IMPDH1: variants seen among roughly 807,000 people sequenced by gnomAD.
The protein encoded by IMPDH1 is inosine-5'-monophosphate dehydrogenase 1.
In IMPDH1, 41 loss-of-function variants were observed where a neutral mutation model predicts 73.5. The ratio of observed to expected loss-of-function variants is 0.56; its 90% CI spans 0.43 to 0.72. The LOEUF (loss-of-function observed/expected upper bound fraction) is 0.72. Ranked by LOEUF, IMPDH1 falls within the 30% of genes least tolerant of loss-of-function variation. IMPDH1 has a pLI of 0.00. For synonymous variants in IMPDH1, 318 were observed against 334.3 expected (o/e 0.95, Z 0.53); for missense variants, 645 against 824.8 (o/e 0.78, Z 2.67).
In IMPDH1 at chr7:128,400,431, T is replaced by C; in HGVS notation, c.688A>G (p.Thr230Ala). Residue 230 changes from threonine (T) to alanine (A), a missense_variant, in exon 8 of 17, where the codon ACT (threonine) becomes GCT (alanine). This residue lies in a region of IMPDH1 where 459 missense variants were observed against 638.2 expected (regional missense o/e 0.72). Coordinates refer to ENST00000338791, the MANE Select transcript of IMPDH1 (RefSeq NM_000883.4). ...TTGCTGCCCATGGTGCCCGTCTCAG[T>C]GATGGGGATGCCAGAGAAGCCATGC... ...MRHGFSGIPI[T>A]ETGTMGSKLV... is the part of the protein sequence containing the mutation. 1.9e-6 allele frequency: 3 copies of C among 1,612,266 alleles called. No homozygotes were observed. The highest frequency in any genetic ancestry group is 2.0e-4 in the Middle Eastern group (1 of 5,078).
chr7:128,395,245 C>T lies in IMPDH1; in HGVS notation c.1291G>A (p.Ala431Thr). The stretch of plus-strand genomic sequence containing the variant: ...GCATACTCAGCCACCTTGTACACAG[C>T]AGTGCCCTGGGGCCGACCACAGGCC... ...VMACGRPQGT[A>T]VYKVAEYARR... Residue 431 changes from alanine (A) to threonine (T), a missense_variant, in exon 13 of 17, where the codon GCT (alanine) becomes ACT (threonine). Ala to Thr is a moderately conservative substitution (Grantham distance 58). Around this residue, in one of 2 missense-constraint regions of IMPDH1, gnomAD observed 459 missense variants for 638.2 expected, o/e 0.72. Coordinates refer to ENST00000338791, the MANE Select transcript of IMPDH1 (RefSeq NM_000883.4). 4.3e-6 allele frequency: 7 copies of T among 1,613,714 alleles called. No homozygotes were observed. The highest frequency in any genetic ancestry group is 5.9e-6 in the Non-Finnish European group (7 of 1,180,048).
At chr7:128,397,326 C>G (rs1394047173) in intron 10 of IMPDH1, among the ~76,000 whole-genome samples, 1 of 152,148 alleles carries the variant, frequency 6.6e-6, no homozygotes, top group Non-Finnish European at 1.5e-5. Context: ...GAGCCATATC[C>G]TGTTCCCACC....
intron 4 of IMPDH1, among the ~76,000 whole-genome samples, chr7:128,404,482 G>C (rs1798567106): frequency 6.6e-6 from 1 of 152,170 alleles, no homozygotes; most frequent in Non-Finnish European, 1.5e-5. Context: ...CAGGGTCACA[G>C]CTCAGGGGCC....
At chr7:128,409,566 G>A in intron 1 of IMPDH1, 82 bp from the exon 2 acceptor site, 2 of 1,553,248 alleles carry the variant, frequency 1.3e-6, no homozygotes, top group Non-Finnish European at 8.9e-7. Context: ...CCTTCGCACA[G>A]TGCCCGTCTG....
At chr7:128,408,530 G>C (rs1798923381) in intron 3 of IMPDH1, among the ~76,000 whole-genome samples, 1 of 148,528 alleles carries the variant, frequency 6.7e-6, no homozygotes, top group Non-Finnish European at 1.5e-5. Context: ...CCTGGCTGGG[G>C]CTCAGGTTTA....
rs1221993509 is a variant in IMPDH1 at position 128,409,601 on chromosome 7, G to T, written c.147-117C>A. 2.0e-6 allele frequency: 3 copies of T among 1,521,226 alleles called. No individual in the cohort carries two copies. The African/African-American group carries it at 4.1e-5, about 21-fold the overall frequency. 94.2% of individuals were successfully genotyped at this position (1,521,226 alleles called of 1,614,324 possible). A position where few individuals can be genotyped will look rare whatever the true frequency, so the allele number is the denominator to read the frequency against. On this transcript the variant is annotated intron_variant, in intron 1 of 16. Transcript: ENST00000338791. ...GCATCCCCCAACCAAAGCCGGGAGC[G>T]TGGCGTTTCGGGAAGTTAGAGGCTG... is the stretch of plus-strand genomic sequence containing the variant.
rs1050197402 is a variant in IMPDH1, at chr7:128,394,717, G to A, written c.1551-118C>T. ...AGGTCCCCCAGGCCACCCCTCACTG[G>A]GCTGAGTCAGATGGCCCAGGGACAG... is the stretch of plus-strand genomic sequence containing the variant. On this transcript the variant is annotated intron_variant, in intron 14 of 16. Transcript: ENST00000338791. This position sits in a 1 kb window ranked among gnomAD's most constrained non-coding sequence, Gnocchi z 5.5. 3.5e-6 allele frequency: 5 copies of A among 1,433,466 alleles called. No individual in the cohort carries two copies. In the Admixed American group the frequency reaches 7.1e-5, roughly 20 times the overall value. 88.8% of individuals were successfully genotyped at this position (1,433,466 alleles called of 1,614,324 possible). A position where few individuals can be genotyped will look rare whatever the true frequency, so the allele number is the denominator to read the frequency against.
rs1798504389 is a variant in IMPDH1, at chr7:128,403,750, A to G, written c.358T>C (p.Phe120Leu). 1 of 1,613,842 alleles carries G rather than the reference A, an allele frequency of 6.2e-7. No homozygotes were observed. The highest frequency in any genetic ancestry group is 1.3e-5 in the African/African-American group (1 of 74,920). The change falls in exon 5 of 17, where the codon TTC becomes CTC. Residue 120 changes from phenylalanine (F) to leucine (L), a missense_variant. Phe to Leu is a conservative substitution (Grantham distance 22). This residue lies in a region of IMPDH1 where 186 missense variants were observed against 186.6 expected (regional missense o/e 1.00). Transcript: ENST00000338791. Reference sequence around the variant, plus strand: ...TCTATGAATCCTGGGAGAATCAGGAAGTCGCTGTGAAGACAGAGAAGTGAG... The same window carrying G: ...TCTATGAATCCTGGGAGAATCAGGAGGTCGCTGTGAAGACAGAGAAGTGAG... Reference protein sequence around the residue: ...ASADGLTYNDFLILPGFIDFI... With the variant: ...ASADGLTYNDLLILPGFIDFI...
In IMPDH1 at chr7:128,398,682, G is replaced by A; in HGVS notation, c.875-69C>T. 7.5e-7 allele frequency: 1 copy of A among 1,340,280 alleles called. No homozygotes were observed. Among genetic ancestry groups the A allele is most frequent in the Non-Finnish European group, 1.1e-6 (1 of 938,572 alleles). 83.0% of individuals were successfully genotyped at this position (1,340,280 alleles called of 1,614,324 possible). A position where few individuals can be genotyped will look rare whatever the true frequency, so the allele number is the denominator to read the frequency against. On this transcript the variant is annotated intron_variant, in intron 9 of 16. Coordinates refer to ENST00000338791, the MANE Select transcript of IMPDH1 (RefSeq NM_000883.4). The surrounding 1 kb of genome is among the most constrained non-coding windows in gnomAD (Gnocchi z 4.3). Reference sequence around the variant, plus strand: ...AGAAGTTTGGGAGATGTTTAGGAGGGTGAAGATGAAAGTGGACCACTCCAG... The same window carrying A: ...AGAAGTTTGGGAGATGTTTAGGAGGATGAAGATGAAAGTGGACCACTCCAG...
chr7:128,403,675 C>T, intron 5 of IMPDH1, 31 bp downstream of exon 5: 2 of 1,600,638 alleles, frequency 1.2e-6, no homozygotes, highest in South Asian at 2.2e-5. Flanking sequence ...ATACACAGCC[C>T]CCTCCCCTTG....
At chr7:128,406,099 C>A (rs1798737217) in intron 3 of IMPDH1, 1 of 153,148 alleles carries the variant, frequency 6.5e-6, no homozygotes, top group Admixed American at 6.6e-5. Context: ...CGCCTCCGCC[C>A]GCGCCGCACA....
At position 128,394,897 on chromosome 7, in the gene IMPDH1, T is replaced by C; in HGVS notation, c.1542A>G (p.Arg514=). Residue 514 remains arginine (R), a synonymous_variant, in exon 14 of 17, where the codon CGA becomes CGG. Transcript: ENST00000338791. The surrounding 1 kb of genome is among the most constrained non-coding windows in gnomAD (Gnocchi z 5.5). ...GCCCAGGGTCAGGGAACCTGAAGTA[T>C]CGTTTCTGGCTGCTGCTGCTCTTCT... ...AMEKSSSSQK[R]YFSEGDKVKI... The C allele has an allele frequency of 1.2e-6, 2 of 1,611,960 alleles. No homozygotes were observed. The highest frequency in any genetic ancestry group is 1.7e-6 in the Non-Finnish European group (2 of 1,180,000).
At chr7:128,393,239 T>A (rs565728687) in intron 16 of IMPDH1, among the ~76,000 whole-genome samples, 1 of 152,184 alleles carries the variant, frequency 6.6e-6, no homozygotes, top group Admixed American at 6.5e-5. Context: ...CCATGCTGGG[T>A]GCAGAGATGG....
intron 7 of IMPDH1, 94 bp downstream of exon 7, chr7:128,400,723 G>T: frequency 8.2e-7 from 1 of 1,224,856 alleles, no homozygotes; most frequent in Non-Finnish European, 1.2e-6. Context: ...CACGCAGGGA[G>T]TGTAGCAGTG....
chr7:128,399,865 G>T, intron 9 of IMPDH1, among the ~76,000 whole-genome samples: 1 of 152,260 alleles, frequency 6.6e-6, no homozygotes, highest in South Asian at 2.1e-4. Flanking sequence ...GATGAGCATC[G>T]CATAGGACTA....
chr7:128,397,741 T>C lies in IMPDH1; in HGVS notation c.1074+673A>G, dbSNP rs186928537. ...TGTTGCTTGCAACAATTTGTCAATT[T>C]TTTTTTTAAGGATTCAGTGGGTACA... is the stretch of plus-strand genomic sequence containing the variant. On this transcript the variant is annotated intron_variant, in intron 10 of 16. Coordinates refer to ENST00000338791, the MANE Select transcript of IMPDH1 (RefSeq NM_000883.4). 1.2e-3 allele frequency among the ~76,000 whole-genome samples: 188 copies of C among 152,278 alleles called. 1 individual carries two copies. The highest frequency in any genetic ancestry group is 4.2e-3 in the African/African-American group (174 of 41,536).
chr7:128,400,693 G>A, intron 7 of IMPDH1, 124 bp downstream of exon 7: 1 of 1,188,986 alleles, frequency 8.4e-7, no homozygotes, highest in South Asian at 1.2e-5. Flanking sequence ...TCGGCCCCAA[G>A]GCTCCACTGA....
chr7:128,393,066 G>A (rs1460108676), intron 16 of IMPDH1, 38 bp from the exon 17 acceptor site: 1 of 1,612,340 alleles, frequency 6.2e-7, no homozygotes, highest in East Asian at 2.2e-5. Context: ...AAGAGTGGGT[G>A]TGTGGACCCT....
At chr7:128,407,836 C>T (rs1009323674) in intron 3 of IMPDH1, among the ~76,000 whole-genome samples, 2 of 152,154 alleles carry the variant, frequency 1.3e-5, no homozygotes, top group African/African-American at 2.4e-5. Flanking sequence ...CTGCCCCAGC[C>T]TTCTTAGGCT....
Sources: allele counts gnomAD v4.1 joint callset (sites outside exome capture counted in the v4.1 genomes callset), GRCh38; gene constraint gnomAD v4.1.1; regional missense constraint gnomAD v4.1.1; non-coding constraint Gnocchi (gnomAD v3.1); transcripts MANE v1.5; gene names NCBI Gene and HGNC (gene_info 2026-07-23, HGNC 2026-07-21).